Variants in TRMT9B observed in about 807,000 individuals in gnomAD.
The protein encoded by TRMT9B is tRNA methyltransferase 9B (putative).
In TRMT9B, 16 loss-of-function variants were observed where a neutral mutation model predicts 11.5. That is an observed-to-expected ratio of 1.39 (90% CI 0.94 to 2.11). The LOEUF (loss-of-function observed/expected upper bound fraction) is 2.11, where lower values mean the gene tolerates loss of function less well. Ranked by LOEUF, TRMT9B falls within the 30% of genes most tolerant of loss-of-function variation. The pLI is 0.00. For missense variants in TRMT9B, 941 were observed against 553.8 expected (o/e 1.70, Z -7.02); for synonymous variants, 274 against 192.4 (o/e 1.42, Z -3.51).
chr8:12,965,054 G>C (rs1447961168), intron 1 of TRMT9B, among the ~76,000 whole-genome samples: 1 of 152,188 alleles, frequency 6.6e-6, no homozygotes, highest in Non-Finnish European at 1.5e-5. Context: ...ACAATTTGCT[G>C]CCACAGGAAA....
Position 13,007,952 on chromosome 8 carries a change from A to G in TRMT9B, c.154+1596A>G, listed in dbSNP as rs552651989. On this transcript the variant is annotated intron_variant, in intron 3 of 4. Coordinates refer to ENST00000524591, the MANE Select transcript of TRMT9B (RefSeq NM_020844.3). ...TGATACACATACAAAAAGAAATCGT[A>G]AAAGAATATACAGTTGATTGCCATT... Among the ~76,000 whole-genome samples, 4 of 152,366 alleles carry G rather than the reference A, an allele frequency of 2.6e-5. No homozygotes were observed. In the South Asian group the frequency reaches 8.3e-4, roughly 32 times the overall value.
intron 1 of TRMT9B, among the ~76,000 whole-genome samples, chr8:12,949,749 T>A (rs1258218533): frequency 6.6e-6 from 1 of 152,174 alleles, no homozygotes; most frequent in Non-Finnish European, 1.5e-5. Context: ...CTATCAACAT[T>A]TTCATAGGGG....
chr8:13,016,278 A>C (rs1368633233), intron 4 of TRMT9B, among the ~76,000 whole-genome samples: 2 of 145,312 alleles, frequency 1.4e-5, no homozygotes, highest in South Asian at 2.1e-4. Context: ...TATATATATA[A>C]ATATATTTGT....
Position 13,022,204 on chromosome 8 carries a change from A to G in TRMT9B, c.*160A>G, listed in dbSNP as rs1814077568. The G allele has an allele frequency of 8.8e-6, 5 of 565,296 alleles. No homozygotes were observed. Among genetic ancestry groups the G allele is most frequent in the Middle Eastern group, 9.3e-4 (2 of 2,160 alleles). 35.0% of individuals were successfully genotyped at this position (565,296 alleles called of 1,614,324 possible). Reference sequence around the variant, plus strand: ...TTGGTTGTTTTGTTTTCATTTTTGAATAAGCACAGATTCTGGCATTGAAAG... The same window carrying G: ...TTGGTTGTTTTGTTTTCATTTTTGAGTAAGCACAGATTCTGGCATTGAAAG... On this transcript the variant is annotated 3_prime_UTR_variant, in exon 5 of 5. Coordinates refer to ENST00000524591, the MANE Select transcript of TRMT9B (RefSeq NM_020844.3).
chr8:13,000,244 TTATCTGAATTCAAGTAGGTAGAAAAA>T (rs1447896771), intron 2 of TRMT9B, among the ~76,000 whole-genome samples: 23 of 152,172 alleles, frequency 1.5e-4, no homozygotes, highest in Admixed American at 1.3e-4. Flanking sequence ...CACTTAGGGT[TTATCTGAATTCAAGTAGGTAGAAAAA>T]TGTTAGCCTA....
intron 3 of TRMT9B, chr8:13,006,737 C>T (rs1231557361): frequency 1.0e-6 from 1 of 972,894 alleles, no homozygotes; most frequent in Non-Finnish European, 1.3e-6. Context: ...GGTGCAATCT[C>T]AGCTTGCTGC....
intron 1 of TRMT9B, among the ~76,000 whole-genome samples, chr8:12,990,129 A>T (rs1807075572): frequency 6.6e-6 from 1 of 152,220 alleles, no homozygotes; most frequent in African/African-American, 2.4e-5. Flanking sequence ...CAGTGTGGTG[A>T]ACACACAAGT....
chr8:12,972,693 A>G (rs1803827322), intron 1 of TRMT9B, among the ~76,000 whole-genome samples: 1 of 152,064 alleles, frequency 6.6e-6, no homozygotes, highest in Non-Finnish European at 1.5e-5. Flanking sequence ...TGGAGGGGAG[A>G]GACAATGGCT....
chr8:12,974,583 G>A (rs1237693697), intron 1 of TRMT9B, among the ~76,000 whole-genome samples: 1 of 152,156 alleles, frequency 6.6e-6, no homozygotes, highest in Non-Finnish European at 1.5e-5. Context: ...CAGACAACAG[G>A]TTGGCCAATA....
rs1316155641 is a variant in TRMT9B, at chr8:13,023,927, G to A, written c.*1883G>A. 1.2e-5 allele frequency: 2 copies of A among 166,892 alleles called. No homozygotes were observed. Among genetic ancestry groups the A allele is most frequent in the East Asian group, 3.8e-4 (2 of 5,206 alleles). 10.3% of individuals were successfully genotyped at this position (166,892 alleles called of 1,614,324 possible). On this transcript the variant is annotated 3_prime_UTR_variant, in exon 5 of 5. Transcript: ENST00000524591. ...ACCATTTTGGTAGATGAGGTTGTCT[G>A]GTGAAAATGATGCATATGAGTTGTA... is the stretch of plus-strand genomic sequence containing the variant.
intron 1 of TRMT9B, among the ~76,000 whole-genome samples, chr8:12,967,055 C>G (rs551389429): frequency 7.9e-4 from 120 of 152,226 alleles, no homozygotes; most frequent in African/African-American, 2.7e-3. Flanking sequence ...GTAATGACAT[C>G]CTAGGTATTT....
rs934599946 is a variant in TRMT9B, at chr8:13,026,252, T to C, written c.*4208T>C. Reference sequence around the variant, plus strand: ...GAGAATAGCTGTGAACTTTTCTAAATATGCAACATTCAACTATCGCAAGGA... The same window carrying C: ...GAGAATAGCTGTGAACTTTTCTAAACATGCAACATTCAACTATCGCAAGGA... On this transcript the variant is annotated 3_prime_UTR_variant, in exon 5 of 5. Coordinates refer to ENST00000524591, the MANE Select transcript of TRMT9B (RefSeq NM_020844.3). The C allele has an allele frequency of 1.2e-5, 2 of 167,134 alleles. No homozygotes were observed. The highest frequency in any genetic ancestry group is 2.9e-5 in the Non-Finnish European group (2 of 68,146). The allele number at this position is 167,134 out of a possible 1,614,324, so 10.4% of individuals were successfully genotyped here.
intron 3 of TRMT9B, chr8:13,010,319 A>C: frequency 1.0e-6 from 1 of 957,994 alleles, no homozygotes; most frequent in Non-Finnish European, 1.2e-6. Context: ...GATGCATTTT[A>C]ATGAAATTGA....
At chr8:12,973,655 G>C (rs994705254) in intron 1 of TRMT9B, among the ~76,000 whole-genome samples, 1 of 149,638 alleles carries the variant, frequency 6.7e-6, no homozygotes, top group Non-Finnish European at 1.5e-5. Flanking sequence ...AGGTGTAGGG[G>C]TGGATGACAT....
Position 13,001,067 on chromosome 8 carries a change from T to A in TRMT9B, c.-1-5135T>A, listed in dbSNP as rs537253416. Among the ~76,000 whole-genome samples the A allele has an allele frequency of 5.0e-4, 76 of 152,040 alleles. 1 individual carries two copies. Among genetic ancestry groups the A allele is most frequent in the Admixed American group, 3.2e-3 (49 of 15,280 alleles). On this transcript the variant is annotated intron_variant, in intron 2 of 4. Coordinates refer to ENST00000524591, the MANE Select transcript of TRMT9B (RefSeq NM_020844.3). Reference sequence around the variant, plus strand: ...TTCTGCCTTTCCCCCCACCATGTTATGAAGCATCACGGATTCTCATCTTGT... The same window carrying A: ...TTCTGCCTTTCCCCCCACCATGTTAAGAAGCATCACGGATTCTCATCTTGT...
At chr8:13,017,878 C>T (rs1023064687) in intron 4 of TRMT9B, among the ~76,000 whole-genome samples, 3 of 151,724 alleles carry the variant, frequency 2.0e-5, no homozygotes, top group Non-Finnish European at 2.9e-5. Context: ...CCCACCTCAG[C>T]CCCTCAAAGT....
chr8:12,945,713 T>A lies in TRMT9B; in HGVS notation c.-453T>A, dbSNP rs536559887. The A allele has an allele frequency of 6.6e-5, 10 of 152,378 alleles. No homozygotes were observed. The highest frequency in any genetic ancestry group is 2.1e-4 in the South Asian group (1 of 4,828). 9.4% of individuals were successfully genotyped at this position (152,378 alleles called of 1,614,324 possible). On this transcript the variant is annotated 5_prime_UTR_variant, in exon 1 of 5. It removes an upstream start codon present in the reference 5' UTR. Transcript: ENST00000524591. ...GTACAGAAAAGATCACACATGTATA[T>A]GTCAGAAGTAGATGCACATGTTCTT...
intron 1 of TRMT9B, among the ~76,000 whole-genome samples, chr8:12,989,353 G>A (rs1274715562): frequency 6.6e-6 from 1 of 152,200 alleles, no homozygotes; most frequent in Non-Finnish European, 1.5e-5. Context: ...ACTTCTTGGA[G>A]AAGGTGATAT....
chr8:12,955,340 G>A (rs1801156800), intron 1 of TRMT9B, among the ~76,000 whole-genome samples: 1 of 152,096 alleles, frequency 6.6e-6, no homozygotes, highest in Non-Finnish European at 1.5e-5. Flanking sequence ...AGGTGGTAGG[G>A]GAAGGAGGGC....
Sources: allele counts gnomAD v4.1 joint callset (sites outside exome capture counted in the v4.1 genomes callset), GRCh38; gene constraint gnomAD v4.1.1; transcripts MANE v1.5; gene names NCBI Gene and HGNC (gene_info 2026-07-23, HGNC 2026-07-21).